The following POMT2 variants were observed in gnomAD, a reference collection of about 807,000 sequenced individuals.
The protein encoded by POMT2 is protein O-mannosyl-transferase 2.
A neutral mutation model predicts 100.0 loss-of-function variants in POMT2; 75 were observed. The ratio of observed to expected loss-of-function variants is 0.75; its 90% CI spans 0.62 to 0.91. The LOEUF (loss-of-function observed/expected upper bound fraction) is 0.91, where lower values mean the gene tolerates loss of function less well. Among genes scored for constraint, POMT2 ranks in the 40% least tolerant of loss-of-function variants. POMT2 has a pLI of 0.00. For synonymous variants in POMT2, 378 were observed against 374.1 expected (o/e 1.01, Z -0.12); for missense variants, 940 against 955.1 (o/e 0.98, Z 0.21).
chr14:77,318,694 G>A (rs1480285682), intron 1 of POMT2, among the ~76,000 whole-genome samples: 1 of 151,032 alleles, frequency 6.6e-6, no homozygotes, highest in Admixed American at 6.6e-5. Flanking sequence ...GTGTAAGGAA[G>A]AATGGGTCAC....
chr14:77,277,232 G>A lies in POMT2; in HGVS notation c.*144C>T, dbSNP rs539137258. ...TCCAATGCTGGGTTCCATTCCAGCT[G>A]CACTCCCAGAGCTGGGTCCTGGTGA... is the stretch of plus-strand genomic sequence containing the variant. On this transcript the variant is annotated 3_prime_UTR_variant, in exon 21 of 21. Coordinates refer to ENST00000261534, the MANE Select transcript of POMT2 (RefSeq NM_013382.7). The A allele has an allele frequency of 1.5e-5, 11 of 715,756 alleles. No homozygotes were observed. The South Asian group carries it at 1.5e-4, about 10-fold the overall frequency. 44.3% of individuals were successfully genotyped at this position (715,756 alleles called of 1,614,324 possible).
chr14:77,289,261 C>G (rs965123596), intron 10 of POMT2, among the ~76,000 whole-genome samples: 5 of 151,882 alleles, frequency 3.3e-5, no homozygotes, highest in African/African-American at 9.7e-5. Context: ...CGTGGTGGTG[C>G]ACGCCTGTAG....
chr14:77,306,268 A>G (rs934576724), intron 3 of POMT2, 69 bp downstream of exon 3: 37 of 1,599,000 alleles, frequency 2.3e-5, no homozygotes, highest in Non-Finnish European at 3.2e-5. Flanking sequence ...CAGGGCTGCT[A>G]ACTATAACAT....
chr14:77,290,832 T>C (rs1010107268), intron 10 of POMT2, among the ~76,000 whole-genome samples: 7 of 152,198 alleles, frequency 4.6e-5, no homozygotes, highest in African/African-American at 1.4e-4. Flanking sequence ...ACAGGACTAG[T>C]AGCCCCTCAG....
rs990325887 is a variant in POMT2 at position 77,276,362 on chromosome 14, C to T, written c.*1014G>A. 1.3e-5 allele frequency: 2 copies of T among 152,756 alleles called. No homozygotes were observed. Among genetic ancestry groups the T allele is most frequent in the African/African-American group, 2.4e-5 (1 of 41,460 alleles). 9.5% of individuals were successfully genotyped at this position (152,756 alleles called of 1,614,324 possible). Reference sequence around the variant, plus strand: ...GCAGAGGAGGACTGCAGAAGTGACACTGGGAAAGCTCAGCAGGTGACAGGA... The same window carrying T: ...GCAGAGGAGGACTGCAGAAGTGACATTGGGAAAGCTCAGCAGGTGACAGGA... On this transcript the variant is annotated 3_prime_UTR_variant, in exon 21 of 21. Coordinates refer to ENST00000261534, the MANE Select transcript of POMT2 (RefSeq NM_013382.7).
At chr14:77,296,070 G>A (rs1890816538) in intron 9 of POMT2, 94 bp downstream of exon 9, 4 of 1,020,428 alleles carry the variant, frequency 3.9e-6, no homozygotes, top group Non-Finnish European at 4.5e-6. Context: ...TTTCAAGCAG[G>A]GCGAACAGGA....
In POMT2 at chr14:77,278,777, A is replaced by G; in HGVS notation, c.1984T>C (p.Tyr662His). The change falls in exon 19 of 21, where the codon TAC becomes CAC. Residue 662 changes from tyrosine to histidine, a missense_variant. Tyr to His is a moderately conservative substitution (Grantham distance 83). Coordinates refer to ENST00000261534, the MANE Select transcript of POMT2 (RefSeq NM_013382.7). ...ATGGCTGGGAAGTAGTGGTGGAAGT[A>G]GAGGACCCGGCCCATCAGGAAAAAC... ...FPFFLMGRVLYFHHYFPAMLF... is the reference protein window; with the variant it reads ...FPFFLMGRVLHFHHYFPAMLF... 6.2e-7 allele frequency: 1 copy of G among 1,613,984 alleles called. No individual in the cohort carries two copies. The highest frequency in any genetic ancestry group is 8.5e-7 in the Non-Finnish European group (1 of 1,179,950).
intron 7 of POMT2, among the ~76,000 whole-genome samples, chr14:77,299,232 C>T (rs1890934802): frequency 6.6e-6 from 1 of 152,176 alleles, no homozygotes; most frequent in African/African-American, 2.4e-5. Context: ...GACAATTTGG[C>T]TATAACGAAA....
At chr14:77,287,544 C>CAA (rs1890476757) in intron 11 of POMT2, 1 of 101,180 alleles carries the variant, frequency 9.9e-6, no homozygotes, top group African/African-American at 3.4e-5. Context: ...CTCTCTCTCT[C>CAA]TATATATATA....
chr14:77,292,368 T>A (rs1394676791), intron 9 of POMT2, among the ~76,000 whole-genome samples: 1 of 152,230 alleles, frequency 6.6e-6, no homozygotes, highest in African/African-American at 2.4e-5. Context: ...ATTGGGCAAG[T>A]CTTATCTCAT....
chr14:77,299,695 T>A, intron 6 of POMT2, 134 bp from the exon 7 acceptor site: 9 of 618,562 alleles, frequency 1.5e-5, no homozygotes, highest in Non-Finnish European at 2.7e-5. Flanking sequence ...GAGAGAAGAA[T>A]ATGTGGAAAC....
intron 8 of POMT2, among the ~76,000 whole-genome samples, chr14:77,298,343 G>A (rs953443455): frequency 6.6e-6 from 1 of 152,232 alleles, no homozygotes; most frequent in Non-Finnish European, 1.5e-5. Flanking sequence ...ATCTGTCATA[G>A]ATGAACGAAT....
rs1891878957 is a variant in POMT2 at position 77,320,873 on chromosome 14, G to C, written c.-192C>G. The C allele has an allele frequency of 1.7e-6, 2 of 1,183,644 alleles. No individual in the cohort carries two copies. The highest frequency in any genetic ancestry group is 3.0e-4 in the Middle Eastern group (1 of 3,334). 73.3% of individuals were successfully genotyped at this position (1,183,644 alleles called of 1,614,324 possible). A position where few individuals can be genotyped will look rare whatever the true frequency, so the allele number is the denominator to read the frequency against. On this transcript the variant is annotated 5_prime_UTR_variant, in exon 1 of 21. Coordinates refer to ENST00000261534, the MANE Select transcript of POMT2 (RefSeq NM_013382.7). ...TCGCGGCCCGGGCCGCTAGGAGGCGGCAGGAGGCGCAGAGCATGTCGGGAC... is the reference window on the plus strand; with the variant it reads ...TCGCGGCCCGGGCCGCTAGGAGGCGCCAGGAGGCGCAGAGCATGTCGGGAC...
At chr14:77,291,133 G>A (rs1566650583) in intron 10 of POMT2, among the ~76,000 whole-genome samples, 181 bp downstream of exon 10, 1 of 152,160 alleles carries the variant, frequency 6.6e-6, no homozygotes, top group Non-Finnish European at 1.5e-5. Flanking sequence ...GCCAACAACA[G>A]TGCTTGGAAC....
rs908119957 is a variant in POMT2 at position 77,276,929 on chromosome 14, G to C, written c.*447C>G. ...TCTCAGAGGTCTGAGAATTTTTGAT[G>C]GATCTTACAAACCAAAACCAAAGAA... On this transcript the variant is annotated 3_prime_UTR_variant, in exon 21 of 21. Transcript: ENST00000261534. The C allele has an allele frequency of 3.9e-5, 7 of 181,432 alleles. No individual in the cohort carries two copies. The highest frequency in any genetic ancestry group is 3.2e-4 in the Admixed American group (6 of 18,666). 11.2% of individuals were successfully genotyped at this position (181,432 alleles called of 1,614,324 possible). A position where few individuals can be genotyped will look rare whatever the true frequency, so the allele number is the denominator to read the frequency against.
At chr14:77,285,384 G>A (rs1221258090) in intron 13 of POMT2, 97 bp downstream of exon 13, 3 of 1,509,272 alleles carry the variant, frequency 2.0e-6, no homozygotes, top group Admixed American at 1.7e-5. Flanking sequence ...GCAGACAGCA[G>A]GTGAACACAG....
chr14:77,308,356 G>T (rs12435804), intron 2 of POMT2, among the ~76,000 whole-genome samples: 1,968 of 128,372 alleles, frequency 0.015, 20 homozygotes, highest in Middle Eastern at 0.03. Flanking sequence ...AAGTTTTTTT[G>T]TTTTTTTTTT....
intron 3 of POMT2, among the ~76,000 whole-genome samples, chr14:77,305,972 G>A (rs1313075322): frequency 2.6e-5 from 4 of 152,236 alleles, no homozygotes; most frequent in Admixed American, 2.6e-4. Flanking sequence ...GTGAGGGGAG[G>A]AGCAGGCAGC....
chr14:77,280,806 T>TTG (rs1387013776), intron 15 of POMT2, among the ~76,000 whole-genome samples: 5 of 152,156 alleles, frequency 3.3e-5, no homozygotes, highest in African/African-American at 1.2e-4. Flanking sequence ...AAAATGAGGC[T>TTG]TACAGCCGGG....
Sources: allele counts gnomAD v4.1 joint callset (sites outside exome capture counted in the v4.1 genomes callset), GRCh38; gene constraint gnomAD v4.1.1; transcripts MANE v1.5; gene names NCBI Gene and HGNC (gene_info 2026-07-23, HGNC 2026-07-21).